TNR: variants seen among roughly 807,000 people sequenced by gnomAD.
TNR encodes tenascin-R.
TNR carries 45 observed loss-of-function variants against 150.4 expected under a neutral mutation model. The observed-to-expected ratio is 0.30, with a 90% confidence interval of 0.24 to 0.38. The LOEUF (loss-of-function observed/expected upper bound fraction) is 0.38. Ranked by LOEUF, TNR falls within the 10% of genes least tolerant of loss-of-function variation. The pLI, the probability that TNR is intolerant of heterozygous loss-of-function variation, is 1.00. For missense variants in TNR, 1,544 were observed against 1,759.1 expected, an observed-to-expected ratio of 0.88 and a Z score of 2.19; for synonymous variants, 687 against 678.4, an observed-to-expected ratio of 1.01 and a Z score of -0.20.
At chr1:175,462,972 C>A (rs576276497) in intron 2 of TNR, among the ~76,000 whole-genome samples, 1 of 152,122 alleles carries the variant, frequency 6.6e-6, no homozygotes, top group Non-Finnish European at 1.5e-5. Flanking sequence ...AGCGAGAGAG[C>A]GTGTTTTAGA....
At chr1:175,438,184 T>C (rs556337405) in intron 2 of TNR, among the ~76,000 whole-genome samples, 42 of 152,160 alleles carry the variant, frequency 2.8e-4, no homozygotes, top group Non-Finnish European at 4.9e-4. Context: ...TCCACCATAA[T>C]CAAGTGGGCT....
intron 1 of TNR, among the ~76,000 whole-genome samples, chr1:175,561,966 T>C (rs1661447886): frequency 6.6e-6 from 1 of 152,180 alleles, no homozygotes; most frequent in South Asian, 2.1e-4. Context: ...TCACAAGCTC[T>C]TTCCCCTTTC....
intron 1 of TNR, among the ~76,000 whole-genome samples, chr1:175,566,069 A>G (rs1273128764): frequency 1.3e-5 from 2 of 152,202 alleles, no homozygotes; most frequent in African/African-American, 2.4e-5. Context: ...TTGTTGCTCT[A>G]TACAAGGTCT....
At chr1:175,359,088 G>C (rs1201244965) in intron 15 of TNR, among the ~76,000 whole-genome samples, 1 of 140,596 alleles carries the variant, frequency 7.1e-6, no homozygotes, top group African/African-American at 2.7e-5. Flanking sequence ...TTCAGATTCA[G>C]CTTTCTCAGC....
At chr1:175,551,875 G>A (rs1231508020) in intron 1 of TNR, among the ~76,000 whole-genome samples, 8 of 152,210 alleles carry the variant, frequency 5.3e-5, no homozygotes, top group African/African-American at 1.9e-4. Context: ...GTGTGCACCT[G>A]TGTGAGTGTG....
chr1:175,681,946 G>T (rs186336014), intron 1 of TNR, among the ~76,000 whole-genome samples: 2 of 152,186 alleles, frequency 1.3e-5, no homozygotes, highest in Non-Finnish European at 2.9e-5. Context: ...CGACCCCCAA[G>T]AAAGGAGCTG....
intron 1 of TNR, among the ~76,000 whole-genome samples, chr1:175,566,033 G>A (rs1288008672): frequency 6.6e-6 from 1 of 152,148 alleles, no homozygotes; most frequent in Non-Finnish European, 1.5e-5. Flanking sequence ...CTGGTTGATT[G>A]TTTTGTGTTA....
intron 19 of TNR, among the ~76,000 whole-genome samples, chr1:175,336,599 G>A (rs1474037710): frequency 6.6e-6 from 1 of 152,236 alleles, no homozygotes; most frequent in East Asian, 1.9e-4. Flanking sequence ...GCATTAAGGA[G>A]GCTGCCCTTA....
chr1:175,342,175 T>C (rs978533559), intron 18 of TNR, among the ~76,000 whole-genome samples: 11 of 152,200 alleles, frequency 7.2e-5, no homozygotes, highest in Non-Finnish European at 1.3e-4. Context: ...AATATAACCT[T>C]GAGCTCTAAG....
intron 3 of TNR, among the ~76,000 whole-genome samples, chr1:175,404,998 C>T (rs1653881602): frequency 6.6e-6 from 1 of 152,170 alleles, no homozygotes; most frequent in Non-Finnish European, 1.5e-5. Flanking sequence ...TGTCAGGTAC[C>T]CCTCTACATC....
chr1:175,597,560 A>C (rs539037307), intron 1 of TNR, among the ~76,000 whole-genome samples: 12 of 152,308 alleles, frequency 7.9e-5, no homozygotes, highest in African/African-American at 2.6e-4. Flanking sequence ...AATTGTACCC[A>C]AGAGCTGAAT....
intron 2 of TNR, among the ~76,000 whole-genome samples, chr1:175,485,777 G>C (rs1657987208): frequency 6.6e-6 from 1 of 152,164 alleles, no homozygotes; most frequent in Non-Finnish European, 1.5e-5. Context: ...AATTGAGCCA[G>C]GCACGGCGAG....
chr1:175,585,096 C>T (rs1360215302), intron 1 of TNR, among the ~76,000 whole-genome samples: 1 of 152,194 alleles, frequency 6.6e-6, no homozygotes, highest in Non-Finnish European at 1.5e-5. Context: ...GGCCTTAACT[C>T]ATGTCAACCC....
chr1:175,485,470 G>C (rs971033965), intron 2 of TNR, among the ~76,000 whole-genome samples: 8 of 152,170 alleles, frequency 5.3e-5, no homozygotes, highest in Non-Finnish European at 1.2e-4. Flanking sequence ...TTGGGGTGGG[G>C]TGGGCACAGT....
intron 1 of TNR, among the ~76,000 whole-genome samples, chr1:175,577,300 C>T (rs1313835405): frequency 6.6e-6 from 1 of 152,170 alleles, no homozygotes; most frequent in Admixed American, 6.5e-5. Context: ...TATTACTTTT[C>T]TTTGTCCTTG....
intron 2 of TNR, among the ~76,000 whole-genome samples, chr1:175,471,477 G>A (rs78316019): frequency 0.025 from 3,839 of 152,206 alleles, 162 homozygotes; most frequent in African/African-American, 0.087. Flanking sequence ...GTAAACCTGC[G>A]GAGCATGTTA....
At chr1:175,604,332 C>T (rs1663346502) in intron 1 of TNR, among the ~76,000 whole-genome samples, 1 of 152,132 alleles carries the variant, frequency 6.6e-6, no homozygotes, top group Admixed American at 6.5e-5. Flanking sequence ...ACAGTAGCTC[C>T]CTTCTCTCCC....
chr1:175,720,789 A>G (rs559927936), intron 1 of TNR, among the ~76,000 whole-genome samples: 2 of 152,376 alleles, frequency 1.3e-5, no homozygotes, highest in African/African-American at 4.8e-5. Flanking sequence ...CAGAGGAAGC[A>G]GATATTCCTG....
chr1:175,474,363 C>G (rs114724690), intron 2 of TNR, among the ~76,000 whole-genome samples: 11 of 152,078 alleles, frequency 7.2e-5, no homozygotes, highest in Non-Finnish European at 1.0e-4. Context: ...TCCAGAGGCA[C>G]CAGGGGTGCA....
Sources: gnomAD v4.1 joint callset for allele counts (sites outside exome capture counted in the v4.1 genomes callset) on GRCh38, gnomAD v4.1.1 for gene constraint, MANE v1.5 for transcripts, NCBI Gene and HGNC (gene_info 2026-07-23, HGNC 2026-07-21) for gene names.